The following ZSWIM6 variants were observed in gnomAD, a reference collection of about 807,000 sequenced individuals.
The protein encoded by ZSWIM6 is zinc finger SWIM-type containing 6.
Under a neutral mutation model 113.2 loss-of-function variants are expected in ZSWIM6, and 9 were observed. The observed-to-expected ratio is 0.08, with a 90% CI of 0.05 to 0.14. ZSWIM6 has a LOEUF of 0.14. Ranked by LOEUF, ZSWIM6 falls within the 10% of genes least tolerant of loss-of-function variation. ZSWIM6 has a pLI of 1.00. For missense variants in ZSWIM6, 1,162 were observed against 1,552.2 expected (o/e 0.75, Z 4.22); for synonymous variants, 611 against 606.5 (o/e 1.01, Z -0.11).
At chr5:61,353,750 T>C (rs959081232) in intron 1 of ZSWIM6, among the ~76,000 whole-genome samples, 3 of 151,754 alleles carry the variant, frequency 2.0e-5, no homozygotes, top group Admixed American at 6.6e-5. Flanking sequence ...AGTCACAACA[T>C]TTAGTGACAT....
chr5:61,388,522 A>T (rs1408740552), intron 1 of ZSWIM6, among the ~76,000 whole-genome samples: 1 of 152,256 alleles, frequency 6.6e-6, no homozygotes, highest in Non-Finnish European at 1.5e-5. Flanking sequence ...CTAAGTTCTT[A>T]AAAAACCTTG....
chr5:61,512,893 G>T (rs182358936), intron 4 of ZSWIM6, among the ~76,000 whole-genome samples: 1 of 151,696 alleles, frequency 6.6e-6, no homozygotes, highest in East Asian at 1.9e-4. Context: ...CCCTTCCCCC[G>T]AGCTTATGCA....
intron 1 of ZSWIM6, among the ~76,000 whole-genome samples, chr5:61,394,607 G>A (rs1745801528): frequency 6.6e-6 from 1 of 152,146 alleles, no homozygotes; most frequent in Non-Finnish European, 1.5e-5. Flanking sequence ...ATATATATGA[G>A]GGGGGAATTA....
intron 1 of ZSWIM6, among the ~76,000 whole-genome samples, chr5:61,403,371 G>A (rs1745977216): frequency 1.3e-5 from 2 of 152,330 alleles, no homozygotes; most frequent in South Asian, 4.1e-4. Flanking sequence ...AAATTAAAAT[G>A]TAAAAAATGG....
chr5:61,463,802 G>T (rs1747367510), intron 1 of ZSWIM6, among the ~76,000 whole-genome samples: 1 of 152,088 alleles, frequency 6.6e-6, no homozygotes, highest in South Asian at 2.1e-4. Context: ...TACAGTGCAG[G>T]GTGGGCATTA....
At chr5:61,336,370 T>C (rs904830969) in intron 1 of ZSWIM6, among the ~76,000 whole-genome samples, 1 of 150,450 alleles carries the variant, frequency 6.6e-6, no homozygotes, top group African/African-American at 2.4e-5. Context: ...AGAAGTTACA[T>C]AAAAAAAAAA....
At chr5:61,438,792 A>G (rs1482190126) in intron 1 of ZSWIM6, among the ~76,000 whole-genome samples, 3 of 152,208 alleles carry the variant, frequency 2.0e-5, no homozygotes, top group East Asian at 1.9e-4. Flanking sequence ...CCTATGGTCC[A>G]TAGGAGACTG....
intron 9 of ZSWIM6, among the ~76,000 whole-genome samples, chr5:61,532,928 G>A (rs981685688): frequency 6.6e-6 from 1 of 152,092 alleles, no homozygotes; most frequent in Non-Finnish European, 1.5e-5. Flanking sequence ...TTTTTTAAAT[G>A]CTTTCTGTCA....
chr5:61,533,878 C>G (rs1295177230), intron 9 of ZSWIM6, among the ~76,000 whole-genome samples: 1 of 152,214 alleles, frequency 6.6e-6, no homozygotes, highest in African/African-American at 2.4e-5. Flanking sequence ...TGGTGCCAGC[C>G]TCATCATTGG....
chr5:61,539,470 CT>C (rs1458271134), intron 11 of ZSWIM6, 125 bp from the exon 12 acceptor site: 1 of 1,153,326 alleles, frequency 8.7e-7, no homozygotes, highest in Non-Finnish European at 1.2e-6. Context: ...TTAACTTGTG[CT>C]TTATGTTTTG....
intron 1 of ZSWIM6, among the ~76,000 whole-genome samples, chr5:61,442,683 G>A (rs1198171029): frequency 6.6e-6 from 1 of 152,126 alleles, no homozygotes; most frequent in Non-Finnish European, 1.5e-5. Context: ...CAAAGCCCTG[G>A]GAATATGACC....
intron 2 of ZSWIM6, among the ~76,000 whole-genome samples, chr5:61,484,476 A>G (rs76759826): frequency 0.023 from 3,463 of 152,286 alleles, 53 homozygotes; most frequent in Middle Eastern, 0.034. Flanking sequence ...TCAGATTTCA[A>G]AGGAGGACGT....
At chr5:61,441,639 G>A (rs557413638) in intron 1 of ZSWIM6, among the ~76,000 whole-genome samples, 158 of 152,240 alleles carry the variant, frequency 1.0e-3, no homozygotes, top group African/African-American at 3.1e-3. Flanking sequence ...TGTAGCCTAG[G>A]GCCAGGTACG....
At chr5:61,359,981 G>T (rs191296417) in intron 1 of ZSWIM6, among the ~76,000 whole-genome samples, 1 of 152,158 alleles carries the variant, frequency 6.6e-6, no homozygotes. Context: ...GGAGGGTAAT[G>T]TTGGACCAGA....
At chr5:61,421,638 A>G (rs928223895) in intron 1 of ZSWIM6, among the ~76,000 whole-genome samples, 1 of 152,046 alleles carries the variant, frequency 6.6e-6, no homozygotes, top group Non-Finnish European at 1.5e-5. Context: ...TTCTCCTCCT[A>G]CACTCAAGTA....
chr5:61,377,107 G>C (rs980276607), intron 1 of ZSWIM6, among the ~76,000 whole-genome samples: 1 of 152,132 alleles, frequency 6.6e-6, no homozygotes, highest in African/African-American at 2.4e-5. Context: ...ATCTAGATCA[G>C]TGAAATAAAA....
chr5:61,369,955 A>G (rs1180620753), intron 1 of ZSWIM6, among the ~76,000 whole-genome samples: 2 of 152,264 alleles, frequency 1.3e-5, no homozygotes, highest in African/African-American at 4.8e-5. Flanking sequence ...AACAAACTAC[A>G]AAACAGAGGC....
intron 1 of ZSWIM6, chr5:61,391,842 T>C: frequency 1.4e-6 from 1 of 734,946 alleles, no homozygotes; most frequent in Non-Finnish European, 2.3e-6. Context: ...GGGACCCATG[T>C]CTGGGAGCGG....
At chr5:61,412,065 GC>G (rs1470854583) in intron 1 of ZSWIM6, among the ~76,000 whole-genome samples, 1 of 152,114 alleles carries the variant, frequency 6.6e-6, no homozygotes, top group Non-Finnish European at 1.5e-5. Flanking sequence ...TGTTATGTTA[GC>G]CTTGTAACTT....
Sources: gnomAD v4.1 joint callset for allele counts (sites outside exome capture counted in the v4.1 genomes callset) on GRCh38, gnomAD v4.1.1 for gene constraint, MANE v1.5 for transcripts, NCBI Gene and HGNC (gene_info 2026-07-23, HGNC 2026-07-21) for gene names.